The following TMPRSS15 variants were observed in gnomAD, a reference collection of about 807,000 sequenced individuals.
The protein encoded by TMPRSS15 is enteropeptidase.
TMPRSS15 carries 128 observed loss-of-function variants against 125.3 expected under a neutral mutation model. The observed-to-expected ratio is 1.02, with a 90% CI of 0.89 to 1.18. The LOEUF is 1.18. Among genes scored for constraint, TMPRSS15 ranks in the 50% most tolerant of loss-of-function variants. The pLI is 0.00. For synonymous variants in TMPRSS15, 446 were observed against 423.2 expected, an observed-to-expected ratio of 1.05 and a Z score of -0.66; for missense variants, 1,283 against 1,212.7, an observed-to-expected ratio of 1.06 and a Z score of -0.86.
At chr21:18,422,836 A>T (rs1701229046) in intron 1 of TMPRSS15, among the ~76,000 whole-genome samples, 1 of 152,200 alleles carries the variant, frequency 6.6e-6, no homozygotes. Flanking sequence ...TAGGTTGGGC[A>T]AATAAGAGAA....
upstream of TMPRSS15, among the ~76,000 whole-genome samples, chr21:18,405,639 A>T (rs2076147981): frequency 6.6e-6 from 1 of 152,196 alleles, no homozygotes; most frequent in Non-Finnish European, 1.5e-5. Context: ...CATTAATAAT[A>T]GGTTAGAAAA....
chr21:18,409,817 C>CG lies in TMPRSS15; in HGVS notation c.11-11489_11-11488insC, dbSNP rs1276487136. Among the ~76,000 whole-genome samples the CG allele has an allele frequency of 2.1e-4, 29 of 135,748 alleles. No homozygotes were observed. In the East Asian group the frequency reaches 5.8e-3, roughly 27 times the overall value. The allele number at this position is 135,748 out of a possible 152,430, so 89.1% of individuals were successfully genotyped here. A position where few individuals can be genotyped will look rare whatever the true frequency, so the allele number is the denominator to read the frequency against. Reference sequence around the variant, plus strand: ...AAATATTTTCTATACAATCTCCCCCCCTTCCCCCCTTCACCCCTCCCTCCT... The same window carrying CG: ...AAATATTTTCTATACAATCTCCCCCCGCTTCCCCCCTTCACCCCTCCCTCCT... On this transcript the variant is annotated intron_variant, in intron 1 of 7. Transcript: ENST00000422787.
chr21:18,367,715 T>A (rs1307300157), intron 6 of TMPRSS15, among the ~76,000 whole-genome samples: 1 of 152,228 alleles, frequency 6.6e-6, no homozygotes, highest in African/African-American at 2.4e-5. Flanking sequence ...GTGTTTACTA[T>A]GTGCCGGTCA....
At chr21:18,353,077 TA>T (rs771025779) in intron 9 of TMPRSS15, 25 bp from the exon 10 acceptor site, 27 of 1,600,738 alleles carry the variant, frequency 1.7e-5, no homozygotes, top group East Asian at 4.5e-5. Context: ...AAAGAAGGAA[TA>T]AAAAAAATTT....
At chr21:18,311,747 A>G (rs1712211234) in intron 18 of TMPRSS15, among the ~76,000 whole-genome samples, 1 of 152,206 alleles carries the variant, frequency 6.6e-6, no homozygotes, top group African/African-American at 2.4e-5. Context: ...CATATATTCA[A>G]AAGAAAGGAA....
At chr21:18,290,172 G>C (rs1158307667) in intron 21 of TMPRSS15, among the ~76,000 whole-genome samples, 5 of 152,142 alleles carry the variant, frequency 3.3e-5, no homozygotes, top group Non-Finnish European at 5.9e-5. Flanking sequence ...AGAAGACAAG[G>C]TTAGGATTTA....
At chr21:18,344,156 A>T in intron 10 of TMPRSS15, 96 bp from the exon 11 acceptor site, 1 of 1,001,434 alleles carries the variant, frequency 1.0e-6, no homozygotes, top group South Asian at 1.3e-5. Context: ...AACTTTAAGA[A>T]GAAAGGTTAA....
chr21:18,355,189 A>C (rs1197345788), intron 8 of TMPRSS15, among the ~76,000 whole-genome samples: 2 of 151,896 alleles, frequency 1.3e-5, no homozygotes, highest in Non-Finnish European at 2.9e-5. Flanking sequence ...TAGTCACTTA[A>C]GGGATGTGAA....
chr21:18,457,381 G>C (rs62215055), intron 1 of TMPRSS15, among the ~76,000 whole-genome samples: 1,567 of 152,188 alleles, frequency 0.01, 8 homozygotes, highest in African/African-American at 0.017. Context: ...TTCCTTGGGA[G>C]AAATGAAGTT....
intron 21 of TMPRSS15, among the ~76,000 whole-genome samples, chr21:18,284,805 G>A (rs547273322): frequency 7.9e-5 from 12 of 151,968 alleles, no homozygotes; most frequent in South Asian, 4.2e-4. Context: ...GTTCGAGACC[G>A]TCCTGGCCAA....
intron 8 of TMPRSS15, among the ~76,000 whole-genome samples, chr21:18,357,570 A>G (rs1053746873): frequency 6.6e-6 from 1 of 151,834 alleles, no homozygotes; most frequent in African/African-American, 2.4e-5. Flanking sequence ...GAGATTGTAT[A>G]TTTTGAATTG....
intron 18 of TMPRSS15, among the ~76,000 whole-genome samples, chr21:18,298,751 C>T (rs1014678336): frequency 2.0e-5 from 3 of 152,114 alleles, no homozygotes; most frequent in Non-Finnish European, 4.4e-5. Context: ...GTGGTTCTAC[C>T]TTTTGGAGTA....
At chr21:18,449,063 T>C (rs1431633732) in intron 1 of TMPRSS15, among the ~76,000 whole-genome samples, 3 of 152,136 alleles carry the variant, frequency 2.0e-5, no homozygotes, top group Non-Finnish European at 4.4e-5. Flanking sequence ...ACAGACACAA[T>C]TTGCTTTTCT....
At chr21:18,321,137 G>T (rs1026874670) in intron 16 of TMPRSS15, among the ~76,000 whole-genome samples, 2 of 151,858 alleles carry the variant, frequency 1.3e-5, no homozygotes, top group Non-Finnish European at 2.9e-5. Flanking sequence ...TCAGAAAAGA[G>T]GAATAAGGGG....
In TMPRSS15 at chr21:18,332,136, A is replaced by G. The variant is rs779746893; in HGVS notation, c.1602T>C (p.Asn534=). The G allele has an allele frequency of 1.2e-6, 2 of 1,614,144 alleles. No homozygotes were observed. Among genetic ancestry groups the G allele is most frequent in the South Asian group, 2.2e-5 (2 of 91,084 alleles). The change falls in exon 14 of 25, where the codon AAT becomes AAC. Residue 534 remains asparagine (N), a synonymous_variant. Coordinates refer to ENST00000284885, the MANE Select transcript of TMPRSS15 (RefSeq NM_002772.3). ...GAAAGTTCGTAGAACTGAATGTTGT[A>G]TTTGGCTCCCACAGCTCAAAAGGTC... ...CGGPFELWEP[N]TTFSSTNFPN...
intron 19 of TMPRSS15, among the ~76,000 whole-genome samples, 196 bp downstream of exon 19, chr21:18,297,538 A>G (rs575795342): frequency 6.6e-6 from 1 of 152,318 alleles, no homozygotes; most frequent in East Asian, 1.9e-4. Context: ...TGACCATCTT[A>G]TATGTATTAG....
At chr21:18,480,888 A>T (rs1978968779) in intron 1 of TMPRSS15, among the ~76,000 whole-genome samples, 1 of 151,858 alleles carries the variant, frequency 6.6e-6, no homozygotes. Flanking sequence ...GCTAGTCACT[A>T]TTCTGAAAAT....
chr21:18,472,495 A>ACT, intron 1 of TMPRSS15, among the ~76,000 whole-genome samples: 1 of 150,866 alleles, frequency 6.6e-6, no homozygotes. Flanking sequence ...ACACACACAC[A>ACT]TACACACACA....
At position 18,429,867 on chromosome 21, in the gene TMPRSS15, C is replaced by T. The variant is rs541511173; in HGVS notation, c.11-31538G>A. Among the ~76,000 whole-genome samples, 8 of 152,314 alleles carry T rather than the reference C, an allele frequency of 5.3e-5. No individual in the cohort carries two copies. In the East Asian group the frequency reaches 1.5e-3, roughly 29 times the overall value. ...TCCTAAAATGTTCAACTACATGTTA[C>T]TCTCATTGAGTACCTTAATATATTT... is the stretch of plus-strand genomic sequence containing the variant. On this transcript the variant is annotated intron_variant, in intron 1 of 7. Transcript: ENST00000422787.
Sources: allele counts gnomAD v4.1 joint callset (sites outside exome capture counted in the v4.1 genomes callset), GRCh38; gene constraint gnomAD v4.1.1; transcripts MANE v1.5; gene names NCBI Gene and HGNC (gene_info 2026-07-23, HGNC 2026-07-21).